Variants in MIAT observed in about 807,000 individuals in gnomAD.
MIAT encodes myocardial infarction associated transcript, also known as MI related novel mRNA.
chr22:26,665,378 C>T, intron 3 of MIAT: 1 of 398,078 alleles, frequency 2.5e-6, no homozygotes, highest in Non-Finnish European at 4.4e-6. Flanking sequence ...AAGCCCATAC[C>T]TTCCTTTGTA....
At chr22:26,669,441 G>A in exon 6 of MIAT, 1 of 398,620 alleles carries the variant, frequency 2.5e-6, no homozygotes, top group East Asian at 3.6e-5. Context: ...CCTTTTCTCT[G>A]TGGAGAGGGA....
At chr22:26,675,459 C>T in exon 5 of MIAT, 1 of 398,624 alleles carries the variant, frequency 2.5e-6, no homozygotes, top group East Asian at 3.6e-5. Context: ...TTTTCCAGCC[C>T]AGGTGGAACT....
At chr22:26,669,610 A>AT in exon 6 of MIAT, 1 of 398,664 alleles carries the variant, frequency 2.5e-6, no homozygotes, top group Non-Finnish European at 4.4e-6. Flanking sequence ...CAACATATGC[A>AT]TTTGGGGGAG....
intron 2 of MIAT, among the ~76,000 whole-genome samples, chr22:26,652,132 C>T (rs939574181): frequency 6.6e-6 from 1 of 152,058 alleles, no homozygotes; most frequent in African/African-American, 2.4e-5. Context: ...TAGCTGGGAC[C>T]ACAGGCACAC....
intron 2 of MIAT, among the ~76,000 whole-genome samples, chr22:26,661,935 T>TATATCTATATAGATCC (rs1448520467): frequency 4.7e-4 from 13 of 27,746 alleles, no homozygotes; most frequent in African/African-American, 2.2e-3. Context: ...TATATATATA[T>TATATCTATATAGATCC]ATATATATAT....
chr22:26,656,926 A>T (rs2157598), intron 2 of MIAT, among the ~76,000 whole-genome samples: 81,037 of 152,010 alleles, frequency 0.53, 22,097 homozygotes, highest in African/African-American at 0.66. Context: ...ATAAGAATAA[A>T]TAATAATAAA....
At chr22:26,652,457 A>G (rs920288956) in intron 2 of MIAT, among the ~76,000 whole-genome samples, 1 of 152,180 alleles carries the variant, frequency 6.6e-6, no homozygotes, top group South Asian at 2.1e-4. Flanking sequence ...TCCCGGGTTC[A>G]AGCAATTCTC....
At chr22:26,648,099 G>C (rs780799809) in intron 2 of MIAT, among the ~76,000 whole-genome samples, 1 of 152,122 alleles carries the variant, frequency 6.6e-6, no homozygotes, top group South Asian at 2.1e-4. Context: ...GAAGGCAGCC[G>C]CTGTGCTGGC....
chr22:26,662,228 A>G (rs1380802659), intron 2 of MIAT, among the ~76,000 whole-genome samples: 1 of 151,840 alleles, frequency 6.6e-6, no homozygotes, highest in Non-Finnish European at 1.5e-5. Flanking sequence ...AAGTGCTGGG[A>G]TTATGGTGTG....
chr22:26,675,541 CT>C (rs1931230128), exon 5 of MIAT: 2 of 398,642 alleles, frequency 5.0e-6, no homozygotes. Flanking sequence ...TAGGAAGACC[CT>C]TTGGTCCATC....
intron 2 of MIAT, among the ~76,000 whole-genome samples, chr22:26,662,905 G>GTGA: frequency 6.6e-6 from 1 of 152,330 alleles, no homozygotes; most frequent in Middle Eastern, 3.4e-3. Flanking sequence ...TGTGTGGTCA[G>GTGA]TGATAATAAT....
At chr22:26,651,027 G>A (rs1254109531) in intron 2 of MIAT, among the ~76,000 whole-genome samples, 1 of 152,094 alleles carries the variant, frequency 6.6e-6, no homozygotes, top group Non-Finnish European at 1.5e-5. Flanking sequence ...CAAGTAAGTG[G>A]GCAAGGGGTC....
intron 2 of MIAT, among the ~76,000 whole-genome samples, chr22:26,648,835 C>T (rs535871999): frequency 6.6e-6 from 1 of 151,924 alleles, no homozygotes; most frequent in East Asian, 1.9e-4. Context: ...TAATAACTAA[C>T]CAGGTATAAG....
At chr22:26,672,180 C>T, downstream of MIAT, 1 of 399,648 alleles carries the variant, frequency 2.5e-6, no homozygotes, top group Non-Finnish European at 4.4e-6. Context: ...TGTGCTCTGA[C>T]TTACTAACCC....
exon 6 of MIAT, chr22:26,668,924 G>A (rs1930951222): frequency 2.5e-6 from 1 of 398,646 alleles, no homozygotes; most frequent in Non-Finnish European, 4.4e-6. Context: ...ATAAGATTTA[G>A]GCTAGGGAAA....
At chr22:26,673,208 C>T (rs1007236394), downstream of MIAT, 7 of 398,656 alleles carry the variant, frequency 1.8e-5, no homozygotes, top group East Asian at 2.1e-4. Flanking sequence ...GAATGCATCT[C>T]TGGCTCTCTG....
At chr22:26,658,782 GGGGA>G (rs1332123118) in intron 2 of MIAT, among the ~76,000 whole-genome samples, 1 of 152,162 alleles carries the variant, frequency 6.6e-6, no homozygotes, top group Non-Finnish European at 1.5e-5. Flanking sequence ...TGCGGCGGGA[GGGGA>G]GGAAGTATGA....
intron 2 of MIAT, among the ~76,000 whole-genome samples, chr22:26,647,692 C>T (rs955756689): frequency 1.3e-5 from 2 of 152,020 alleles, no homozygotes; most frequent in Non-Finnish European, 2.9e-5. Flanking sequence ...AGAGGGGCTG[C>T]GAGCAGGGGA....
At chr22:26,646,629 T>A (rs1219457226) in exon 1 of MIAT, 2 of 398,544 alleles carry the variant, frequency 5.0e-6, no homozygotes, top group African/African-American at 4.1e-5. Flanking sequence ...ATCTTCAGTT[T>A]CCTTGTCTAT....
Sources: allele counts gnomAD v4.1 joint callset (sites outside exome capture counted in the v4.1 genomes callset), GRCh38; gene constraint gnomAD v4.1.1; transcripts MANE v1.5; gene names NCBI Gene and HGNC (gene_info 2026-07-23, HGNC 2026-07-21).